OR3A2: variants seen among roughly 807,000 people sequenced by gnomAD.
OR3A2 encodes the protein olfactory receptor family 3 subfamily A member 2.
For synonymous variants in OR3A2, 126 were observed against 159.3 expected (o/e 0.79, Z 1.57); for missense variants, 318 against 392.8 (o/e 0.81, Z 1.61).
At chr17:3,383,113 G>C (rs999980571) in intron 2 of OR3A2, among the ~76,000 whole-genome samples, 1 of 152,172 alleles carries the variant, frequency 6.6e-6, no homozygotes, top group East Asian at 1.9e-4. Context: ...AGGGGTGTTT[G>C]GGTTGAAGAA....
In OR3A2 at chr17:3,350,358, C is replaced by G. The variant is rs2049409781; in HGVS notation, c.-178-14232G>C. 2.7e-5 allele frequency among the ~76,000 whole-genome samples: 4 copies of G among 149,548 alleles called. No homozygotes were observed. In the South Asian group the frequency reaches 8.5e-4, roughly 32 times the overall value. On this transcript the variant is annotated intron_variant, in intron 2 of 4. Transcript: ENST00000573491. ...AAAAATGATAAAGGGGATATCACCA[C>G]CAATCCCACAGAAATACAAACTACC... is the stretch of plus-strand genomic sequence containing the variant.
chr17:3,283,827 C>G (rs1480622464), intron 1 of OR3A2, among the ~76,000 whole-genome samples: 2 of 150,858 alleles, frequency 1.3e-5, no homozygotes, highest in Non-Finnish European at 2.9e-5. Context: ...GGTAGAAGAA[C>G]CACTAAACAG....
At chr17:3,320,406 T>G (rs372728466) in intron 3 of OR3A2, among the ~76,000 whole-genome samples, 2,203 of 143,452 alleles carry the variant, frequency 0.015, 10 homozygotes, top group East Asian at 0.08. Context: ...GTCAATTTTG[T>G]CTTTTGTTGC....
intron 3 of OR3A2, among the ~76,000 whole-genome samples, chr17:3,314,893 T>C (rs1384645401): frequency 6.6e-6 from 1 of 152,194 alleles, no homozygotes; most frequent in Non-Finnish European, 1.5e-5. Context: ...CATATTTATG[T>C]CCATGTGTAC....
chr17:3,343,357 T>TA (rs529833497), intron 2 of OR3A2, among the ~76,000 whole-genome samples: 23 of 152,318 alleles, frequency 1.5e-4, no homozygotes, highest in Middle Eastern at 3.4e-3. Context: ...CTGGAAGCTG[T>TA]AGACCAGAGC....
chr17:3,322,110 C>T (rs2676612), intron 3 of OR3A2, among the ~76,000 whole-genome samples: 105,182 of 152,012 alleles, frequency 0.69, 37,973 homozygotes, highest in East Asian at 1. Flanking sequence ...GGAGGATGTA[C>T]GTGTCGAGAA....
intron 3 of OR3A2, among the ~76,000 whole-genome samples, chr17:3,299,110 C>T (rs1404561320): frequency 6.6e-6 from 1 of 152,162 alleles, no homozygotes; most frequent in Non-Finnish European, 1.5e-5. Context: ...TCATACCACA[C>T]CAATGAAGTC....
chr17:3,292,666 C>A, intron 3 of OR3A2: 1 of 1,240,622 alleles, frequency 8.1e-7, no homozygotes, highest in Non-Finnish European at 1.1e-6. Context: ...AACAGACCCC[C>A]TTCTACTTGC....
intron 3 of OR3A2, among the ~76,000 whole-genome samples, chr17:3,313,425 C>T (rs2049059563): frequency 6.6e-6 from 1 of 152,222 alleles, no homozygotes; most frequent in African/African-American, 2.4e-5. Flanking sequence ...GGGACCCATG[C>T]CATCCAACAG....
chr17:3,365,558 A>G (rs1178534777), intron 2 of OR3A2, among the ~76,000 whole-genome samples: 1 of 152,168 alleles, frequency 6.6e-6, no homozygotes, highest in Admixed American at 6.5e-5. Flanking sequence ...TTGTCTCTCA[A>G]TCATGCCATG....
chr17:3,291,933 A>C, intron 3 of OR3A2: 1 of 1,614,208 alleles, frequency 6.2e-7, no homozygotes, highest in Non-Finnish European at 8.5e-7. Context: ...GGAGATGACA[A>C]TGAGAGCCAT....
rs889431283 is a variant in OR3A2 at position 3,277,765 on chromosome 17, T to C, written c.*205A>G. The C allele has an allele frequency of 2.3e-5, 13 of 557,186 alleles. No homozygotes were observed. The African/African-American group carries it at 2.4e-4, about 10-fold the overall frequency. The allele number at this position is 557,186 out of a possible 1,614,324, so 34.5% of individuals were successfully genotyped here. Reference sequence around the variant, plus strand: ...TTTGTCCACCAATGCCTTGGAAGACTGTCCAGATCATAGAGGTACTCTAAT... The same window carrying C: ...TTTGTCCACCAATGCCTTGGAAGACCGTCCAGATCATAGAGGTACTCTAAT... On this transcript the variant is annotated 3_prime_UTR_variant, in exon 2 of 2. Coordinates refer to ENST00000642052, the Ensembl canonical transcript of OR3A2.
intron 2 of OR3A2, among the ~76,000 whole-genome samples, chr17:3,355,915 T>A (rs2049462708): frequency 6.6e-6 from 1 of 151,238 alleles, no homozygotes; most frequent in Admixed American, 6.6e-5. Context: ...TTCCTTCCTG[T>A]CTTTTGTTTT....
At chr17:3,321,002 T>C (rs2049117432) in intron 3 of OR3A2, among the ~76,000 whole-genome samples, 1 of 152,214 alleles carries the variant, frequency 6.6e-6, no homozygotes. Context: ...TGATTCTTCC[T>C]ACCCATGAGC....
At chr17:3,314,612 C>T (rs193247973) in intron 3 of OR3A2, among the ~76,000 whole-genome samples, 16 of 152,196 alleles carry the variant, frequency 1.1e-4, no homozygotes, top group Non-Finnish European at 1.8e-4. Flanking sequence ...GAATGACTTT[C>T]GGTTTTTACT....
chr17:3,281,931 T>TCCCAGGTA (rs2048779267), intron 1 of OR3A2, among the ~76,000 whole-genome samples: 1 of 152,114 alleles, frequency 6.6e-6, no homozygotes, highest in African/African-American at 2.4e-5. Context: ...TATGGGTGTT[T>TCCCAGGTA]CCTTAGCGCC....
intron 3 of OR3A2, among the ~76,000 whole-genome samples, chr17:3,299,410 T>C (rs1182381226): frequency 6.6e-6 from 1 of 152,136 alleles, no homozygotes; most frequent in Non-Finnish European, 1.5e-5. Context: ...TGGAATTGCA[T>C]CTTGGGGACC....
intron 2 of OR3A2, among the ~76,000 whole-genome samples, chr17:3,344,579 T>C (rs1009182653): frequency 1.3e-5 from 2 of 152,170 alleles, no homozygotes; most frequent in Non-Finnish European, 2.9e-5. Context: ...CCACTTCCCT[T>C]AATAAAGTTT....
chr17:3,367,327 T>C (rs529844814), intron 2 of OR3A2, among the ~76,000 whole-genome samples: 2 of 152,220 alleles, frequency 1.3e-5, no homozygotes, highest in East Asian at 3.9e-4. Flanking sequence ...CAGTGAACAC[T>C]GTACCCAATG....
Sources: gnomAD v4.1 joint callset for allele counts (sites outside exome capture counted in the v4.1 genomes callset) on GRCh38, gnomAD v4.1.1 for gene constraint, MANE v1.5 for transcripts, NCBI Gene and HGNC (gene_info 2026-07-23, HGNC 2026-07-21) for gene names.